Variants in PNPLA1 observed in about 807,000 individuals in gnomAD.
The protein encoded by PNPLA1 is omega-hydroxyceramide transacylase.
PNPLA1 carries 36 observed loss-of-function variants against 51.7 expected under a neutral mutation model. The observed-to-expected ratio is 0.70, with a 90% CI of 0.53 to 0.92. The LOEUF is 0.92. Among genes scored for constraint, PNPLA1 ranks in the 40% least tolerant of loss-of-function variants. The pLI is 0.00. For synonymous variants in PNPLA1, 293 were observed against 280.1 expected (o/e 1.05, Z -0.46); for missense variants, 658 against 682.5 (o/e 0.96, Z 0.40).
At chr6:36,300,178 T>TGTGTGAGAGAGA in intron 5 of PNPLA1, among the ~76,000 whole-genome samples, 19 of 98,138 alleles carry the variant, frequency 1.9e-4, no homozygotes, top group African/African-American at 5.6e-4. Context: ...TGTGTGTGTG[T>TGTGTGAGAGAGA]GAGAGAGAGA....
At chr6:36,310,453 C>T (rs1266409763) in intron 8 of PNPLA1, among the ~76,000 whole-genome samples, 1 of 152,196 alleles carries the variant, frequency 6.6e-6, no homozygotes, top group Non-Finnish European at 1.5e-5. Flanking sequence ...AGGACTCCAT[C>T]CTGCCCCCAA....
At chr6:36,309,026 A>T (rs1318078904) in intron 8 of PNPLA1, among the ~76,000 whole-genome samples, 1 of 152,024 alleles carries the variant, frequency 6.6e-6, no homozygotes, top group Non-Finnish European at 1.5e-5. Flanking sequence ...ACCTCTAATC[A>T]TTCTGAGCAA....
chr6:36,313,718 C>T lies in PNPLA1; in HGVS notation c.*1832C>T, dbSNP rs908210830. Among the ~76,000 whole-genome samples, 1 of 152,224 alleles carries T rather than the reference C, an allele frequency of 6.6e-6. No individual in the cohort carries two copies. Among genetic ancestry groups the T allele is most frequent in the Non-Finnish European group, 1.5e-5 (1 of 68,044 alleles). ...GACTGACTAGAGAGGCCCGCCCGGC[C>T]GCAGGCCTTTCTTCCAGGAGTGGCC... On this transcript the variant is annotated 3_prime_UTR_variant, in exon 9 of 9. Coordinates refer to ENST00000636260, the MANE Select transcript of PNPLA1 (RefSeq NM_001374623.1).
intron 1 of PNPLA1, among the ~76,000 whole-genome samples, chr6:36,252,417 G>A (rs142886735): frequency 5.9e-4 from 90 of 152,244 alleles, no homozygotes; most frequent in African/African-American, 2.0e-3. Flanking sequence ...AGCCCTGAGC[G>A]CAGACCTTCA....
At position 36,246,839 on chromosome 6, in the gene PNPLA1, A is replaced by G. The variant is rs572220450; in HGVS notation, c.-81+3578A>G. ...TGTCCCTTTCTGTAGTTCTAATTAC[A>G]AAAACAAAAGGTTCTTCCCACACGT... On this transcript the variant is annotated intron_variant, in intron 1 of 7. Coordinates refer to the PNPLA1 transcript ENST00000312917. Among the ~76,000 whole-genome samples the G allele has an allele frequency of 9.9e-4, 151 of 152,318 alleles. 1 individual carries two copies. The highest frequency in any genetic ancestry group is 3.5e-3 in the African/African-American group (146 of 41,570).
chr6:36,311,294 G>A (rs1049093402), intron 8 of PNPLA1, among the ~76,000 whole-genome samples: 6 of 152,252 alleles, frequency 3.9e-5, no homozygotes, highest in Non-Finnish European at 8.8e-5. Context: ...ATGAGCAGAA[G>A]TTAGTCAGAC....
chr6:36,289,236 A>G (rs1404726194), intron 1 of PNPLA1, among the ~76,000 whole-genome samples: 18 of 152,092 alleles, frequency 1.2e-4, no homozygotes, highest in Admixed American at 1.2e-3. Context: ...CTGCTGGGAG[A>G]TCAGGCGTTC....
intron 5 of PNPLA1, among the ~76,000 whole-genome samples, chr6:36,300,380 G>C (rs968503909): frequency 2.6e-5 from 4 of 152,026 alleles, no homozygotes; most frequent in African/African-American, 9.7e-5. Flanking sequence ...ATTTTTAGTA[G>C]AGATGGGGTT....
intron 1 of PNPLA1, among the ~76,000 whole-genome samples, chr6:36,262,013 T>C (rs1193396949): frequency 6.6e-6 from 1 of 152,206 alleles, no homozygotes; most frequent in Non-Finnish European, 1.5e-5. Context: ...CTTTTTATCC[T>C]CTGGGGAGAA....
chr6:36,268,665 T>C (rs1769820445), upstream of PNPLA1, among the ~76,000 whole-genome samples: 1 of 152,220 alleles, frequency 6.6e-6, no homozygotes, highest in Non-Finnish European at 1.5e-5. Context: ...ATCTCAGCCC[T>C]GCACAGTTTA....
Position 36,306,368 on chromosome 6 carries a change from T to C in PNPLA1, c.1461T>C (p.Pro487=). 6.2e-7 allele frequency: 1 copy of C among 1,610,954 alleles called. No individual in the cohort carries two copies. The highest frequency in any genetic ancestry group is 8.5e-7 in the Non-Finnish European group (1 of 1,179,044). Residue 487 remains proline, a synonymous_variant, in exon 7 of 9, where the codon CCT becomes CCC. Coordinates refer to ENST00000636260, the MANE Select transcript of PNPLA1 (RefSeq NM_001374623.1). The part of the protein sequence containing the change: ...LVHVKETVSK[P]YVTESPAEDS... ...ATGTGAAGGAAACCGTCAGCAAGCC[T>C]TATGTAACGTAAGTTTCCCCTTCGT...
At chr6:36,269,532 G>T (rs1021389684), upstream of PNPLA1, among the ~76,000 whole-genome samples, 1 of 152,164 alleles carries the variant, frequency 6.6e-6, no homozygotes. Context: ...GCGGGAAGAA[G>T]AACACGCAAC....
At chr6:36,297,162 C>T (rs1317598253) in intron 5 of PNPLA1, among the ~76,000 whole-genome samples, 1 of 152,160 alleles carries the variant, frequency 6.6e-6, no homozygotes, top group African/African-American at 2.4e-5. Context: ...TTCAATGGCC[C>T]TGGAATCACT....
intron 1 of PNPLA1, among the ~76,000 whole-genome samples, chr6:36,290,712 C>G (rs1311252227): frequency 1.3e-5 from 2 of 152,184 alleles, no homozygotes; most frequent in African/African-American, 4.8e-5. Flanking sequence ...TAGTCCATAT[C>G]TCAGGGTCAT....
intron 5 of PNPLA1, among the ~76,000 whole-genome samples, chr6:36,299,459 C>T (rs915447973): frequency 3.3e-5 from 5 of 151,802 alleles, no homozygotes; most frequent in East Asian, 1.9e-4. Flanking sequence ...CTCAGTCTCC[C>T]GAGTAGCTGG....
chr6:36,250,801 T>C (rs1769403772), intron 1 of PNPLA1, among the ~76,000 whole-genome samples: 1 of 152,146 alleles, frequency 6.6e-6, no homozygotes, highest in Non-Finnish European at 1.5e-5. Flanking sequence ...ACTCCCCGGT[T>C]CAAGTGATTC....
intron 1 of PNPLA1, among the ~76,000 whole-genome samples, chr6:36,250,227 G>A (rs550578170): frequency 6.6e-6 from 1 of 152,188 alleles, no homozygotes; most frequent in East Asian, 1.9e-4. Flanking sequence ...TTTGTTCCCG[G>A]CTAAAGCAAC....
At chr6:36,276,222 G>A (rs1177786080) in intron 1 of PNPLA1, among the ~76,000 whole-genome samples, 4 of 152,116 alleles carry the variant, frequency 2.6e-5, no homozygotes, top group Non-Finnish European at 5.9e-5. Flanking sequence ...GCCTCCCAAA[G>A]TGCTGGGATT....
chr6:36,257,925 T>C (rs115808967), intron 1 of PNPLA1, among the ~76,000 whole-genome samples: 2,014 of 152,342 alleles, frequency 0.013, 42 homozygotes, highest in African/African-American at 0.045. Context: ...AGCTAGCCGT[T>C]AAATTGGCCG....
Sources: allele counts gnomAD v4.1 joint callset (sites outside exome capture counted in the v4.1 genomes callset), GRCh38; gene constraint gnomAD v4.1.1; transcripts MANE v1.5; gene names NCBI Gene and HGNC (gene_info 2026-07-23, HGNC 2026-07-21).